Variants in GPR137B observed in about 807,000 individuals in gnomAD.
GPR137B encodes the protein G protein-coupled receptor 137B, also known as integral membrane protein GPR137B.
GPR137B carries 42 observed loss-of-function variants against 42.5 expected under a neutral mutation model. That is an observed-to-expected ratio of 0.99 (90% confidence interval 0.77 to 1.28). The LOEUF (loss-of-function observed/expected upper bound fraction) is 1.28, where lower values mean the gene tolerates loss of function less well. Ranked by LOEUF, GPR137B falls within the 50% of genes most tolerant of loss-of-function variation. GPR137B has a pLI of 0.00. For synonymous variants in GPR137B, 218 were observed against 209.7 expected, an observed-to-expected ratio of 1.04 and a Z score of -0.34; for missense variants, 487 against 493.9, an observed-to-expected ratio of 0.99 and a Z score of 0.13.
In GPR137B at chr1:236,143,025, T is replaced by C. The variant is rs1270075356; in HGVS notation, c.403T>C (p.Tyr135His). The C allele has an allele frequency of 6.2e-7, 1 of 1,611,404 alleles. No individual in the cohort carries two copies. Reference protein sequence around the residue: ...QFFTLTLMNLYFTQVIFKAKS... With the variant: ...QFFTLTLMNLHFTQVIFKAKS... Reference sequence around the variant, plus strand: ...TTTCACCCTCACGCTGATGAACTTGTACTTCACGCAGGTGAGTTTCAGAGA... The same window carrying C: ...TTTCACCCTCACGCTGATGAACTTGCACTTCACGCAGGTGAGTTTCAGAGA... Residue 135 changes from tyrosine to histidine, a missense_variant, in exon 1 of 7, where the codon TAC becomes CAC. Physicochemically the swap from Tyr to His is moderately conservative, Grantham distance 83. Transcript: ENST00000366592.
intron 4 of GPR137B, among the ~76,000 whole-genome samples, chr1:236,180,477 CTG>C (rs1177026986): frequency 6.6e-6 from 1 of 152,094 alleles, no homozygotes; most frequent in Non-Finnish European, 1.5e-5. Context: ...TGTGTGGCAT[CTG>C]AACTCATCTG....
chr1:236,150,199 C>T lies in GPR137B; in HGVS notation c.414+7163C>T, dbSNP rs1001056462. Among the ~76,000 whole-genome samples, 4 of 136,136 alleles carry T rather than the reference C, an allele frequency of 2.9e-5. No homozygotes were observed. The allele number at this position is 136,136 out of a possible 152,430, so 89.3% of individuals were successfully genotyped here. On this transcript the variant is annotated intron_variant, in intron 1 of 6. Transcript: ENST00000366592. This position sits in a 1 kb window ranked among gnomAD's most constrained non-coding sequence, Gnocchi z 6.2. Reference sequence around the variant, plus strand: ...TTTGTGTTTGTGTGTGTCTGTGTGCCTGTGTGTGTGTCTGTGCCTGTGTGT... The same window carrying T: ...TTTGTGTTTGTGTGTGTCTGTGTGCTTGTGTGTGTGTCTGTGCCTGTGTGT...
intron 1 of GPR137B, among the ~76,000 whole-genome samples, chr1:236,166,607 AC>A (rs1036565273): frequency 3.7e-4 from 56 of 149,742 alleles, no homozygotes; most frequent in Non-Finnish European, 5.5e-4. Context: ...TCATAGCAGA[AC>A]CAAATAATTC....
chr1:236,149,574 T>C (rs1661779312), intron 1 of GPR137B, among the ~76,000 whole-genome samples: 1 of 152,254 alleles, frequency 6.6e-6, no homozygotes, highest in Non-Finnish European at 1.5e-5. Flanking sequence ...GCTGTGGCTC[T>C]TGGCGGTCAG....
At chr1:236,187,616 G>A (rs1427480575) in intron 5 of GPR137B, among the ~76,000 whole-genome samples, 1 of 152,102 alleles carries the variant, frequency 6.6e-6, no homozygotes, top group Non-Finnish European at 1.5e-5. Context: ...TTTGTGTCAG[G>A]TTTGTCAAAG....
chr1:236,179,556 C>T (rs1485437988), intron 3 of GPR137B, among the ~76,000 whole-genome samples: 2 of 152,202 alleles, frequency 1.3e-5, no homozygotes, highest in African/African-American at 4.8e-5. Flanking sequence ...CCAAGAAGAT[C>T]CTCTTGGAGC....
intron 2 of GPR137B, among the ~76,000 whole-genome samples, chr1:236,177,198 G>C (rs1459354496): frequency 6.6e-6 from 1 of 152,176 alleles, no homozygotes; most frequent in Non-Finnish European, 1.5e-5. Flanking sequence ...TAAGTGGGGG[G>C]TTGTTATGTC....
Position 236,142,681 on chromosome 1 carries a change from C to T in GPR137B, c.59C>T (p.Pro20Leu). 1 of 1,565,214 alleles carries T rather than the reference C, an allele frequency of 6.4e-7. No homozygotes were observed. The highest frequency in any genetic ancestry group is 8.6e-7 in the Non-Finnish European group (1 of 1,161,186). The change falls in exon 1 of 7, where the codon CCG (proline) becomes CTG (leucine). Residue 20 changes from proline to leucine, a missense_variant. Pro to Leu is a moderately conservative substitution (Grantham distance 98). Coordinates refer to ENST00000366592, the MANE Select transcript of GPR137B (RefSeq NM_003272.4). ...GSAPGPMETP[P>L]WDPARNDSLP... Reference sequence around the variant, plus strand: ...GCCCCCGGCCCGATGGAGACCCCGCCGTGGGACCCAGCCCGCAACGACTCG... The same window carrying T: ...GCCCCCGGCCCGATGGAGACCCCGCTGTGGGACCCAGCCCGCAACGACTCG...
At chr1:236,154,530 C>G (rs1351070619) in intron 1 of GPR137B, among the ~76,000 whole-genome samples, 1 of 151,560 alleles carries the variant, frequency 6.6e-6, no homozygotes, top group Non-Finnish European at 1.5e-5. Flanking sequence ...AAGTCCCCAC[C>G]CCTAGTGAGG....
intron 5 of GPR137B, among the ~76,000 whole-genome samples, chr1:236,198,889 T>A (rs1387410852): frequency 6.6e-6 from 1 of 152,186 alleles, no homozygotes; most frequent in African/African-American, 2.4e-5. Flanking sequence ...TTGGGTGCCC[T>A]CTTGCTGTTG....
At chr1:236,190,464 T>C (rs1663162601) in intron 5 of GPR137B, among the ~76,000 whole-genome samples, 1 of 152,230 alleles carries the variant, frequency 6.6e-6, no homozygotes, top group Admixed American at 6.5e-5. Context: ...TTGCAGTGGC[T>C]GGTACTGGTT....
chr1:236,148,908 A>T (rs1226866186), intron 1 of GPR137B, among the ~76,000 whole-genome samples: 1 of 152,124 alleles, frequency 6.6e-6, no homozygotes, highest in Non-Finnish European at 1.5e-5. Flanking sequence ...TGTGGGTCCC[A>T]TGGCTGGTTA....
At chr1:236,204,970 A>G (rs543886339) in intron 5 of GPR137B, among the ~76,000 whole-genome samples, 156 bp from the exon 6 acceptor site, 1 of 152,236 alleles carries the variant, frequency 6.6e-6, no homozygotes, top group Non-Finnish European at 1.5e-5. Context: ...CCTCTCAAAC[A>G]TAAGAGTAAC....
intron 2 of GPR137B, among the ~76,000 whole-genome samples, chr1:236,170,070 G>A (rs1662488644): frequency 6.7e-6 from 1 of 148,928 alleles, no homozygotes; most frequent in African/African-American, 2.5e-5. Flanking sequence ...AAAAAGAATG[G>A]TCAGGTTTGA....
intron 1 of GPR137B, among the ~76,000 whole-genome samples, chr1:236,154,250 C>G (rs1487054480): frequency 6.6e-6 from 1 of 151,720 alleles, no homozygotes; most frequent in African/African-American, 2.4e-5. Context: ...TCGTGGGGTC[C>G]AGACCAACAT....
chr1:236,157,570 C>T (rs1447855823), intron 1 of GPR137B, among the ~76,000 whole-genome samples: 1 of 152,134 alleles, frequency 6.6e-6, no homozygotes, highest in Non-Finnish European at 1.5e-5. Flanking sequence ...TCAGAGAGGG[C>T]TACCGGTTGT....
chr1:236,163,387 A>G (rs1185136531), intron 1 of GPR137B, among the ~76,000 whole-genome samples: 1 of 152,190 alleles, frequency 6.6e-6, no homozygotes, highest in East Asian at 1.9e-4. Context: ...TAATGCTGAA[A>G]TGAGTTAAGA....
intron 1 of GPR137B, 45 bp downstream of exon 1, chr1:236,143,081 G>C (rs1368525964): frequency 2.6e-6 from 4 of 1,532,474 alleles, no homozygotes; most frequent in Non-Finnish European, 3.5e-6. Context: ...TGGCGGGGTG[G>C]TCCCCGCGGG....
chr1:236,205,171 T>TATTTC lies in GPR137B; in HGVS notation c.1013_1017dup (p.Phe340IlefsTer66). 1 of 1,613,166 alleles carries TATTTC rather than the reference T, an allele frequency of 6.2e-7. No homozygotes were observed. Among genetic ancestry groups the TATTTC allele is most frequent in the Non-Finnish European group, 8.5e-7 (1 of 1,179,114 alleles). On this transcript the variant is annotated frameshift_variant, in exon 6 of 7. Coordinates refer to ENST00000366592, the MANE Select transcript of GPR137B (RefSeq NM_003272.4). LOFTEE classifies it high-confidence loss of function. Reference sequence around the variant, plus strand: ...CAGCCATGGATTCAGTCCCAGATCTTATTTCTTTGACAACCCTCGAAGATA... The same window carrying TATTTC: ...CAGCCATGGATTCAGTCCCAGATCTTATTTCATTTCTTTGACAACCCTCGAAGATA...
Sources: allele counts gnomAD v4.1 joint callset (sites outside exome capture counted in the v4.1 genomes callset), GRCh38; gene constraint gnomAD v4.1.1; non-coding constraint Gnocchi (gnomAD v3.1); transcripts MANE v1.5; gene names NCBI Gene and HGNC (gene_info 2026-07-23, HGNC 2026-07-21).